The following SBSPON variants were observed in gnomAD, a reference collection of about 807,000 sequenced individuals.
SBSPON encodes the protein somatomedin B and thrombospondin type 1 domain containing.
Under a neutral mutation model 35.8 loss-of-function variants are expected in SBSPON, and 30 were observed. The ratio of observed to expected loss-of-function variants is 0.84; its 90% confidence interval spans 0.63 to 1.14. The LOEUF is 1.14. SBSPON is among the 50% of genes most tolerant of loss of function. SBSPON has a pLI of 0.00. For synonymous variants in SBSPON, 136 were observed against 135.9 expected, an observed-to-expected ratio of 1.00 and a Z score of 0.00; for missense variants, 364 against 357.7, an observed-to-expected ratio of 1.02 and a Z score of -0.14.
intron 1 of SBSPON, among the ~76,000 whole-genome samples, chr8:73,088,463 G>T (rs1242787174): frequency 6.6e-6 from 1 of 152,152 alleles, no homozygotes; most frequent in African/African-American, 2.4e-5. Flanking sequence ...CAGGCAGATT[G>T]CTTGAGCCTA....
chr8:73,072,008 G>T lies in SBSPON; in HGVS notation c.410-138C>A, dbSNP rs1380312280. On this transcript the variant is annotated intron_variant, in intron 2 of 4. Transcript: ENST00000297354. ...ACGGCACACCATCAAGGTGTGAAATGAGGCCAAGTTACAAATTCAATAAAG... is the reference window on the plus strand; with the variant it reads ...ACGGCACACCATCAAGGTGTGAAATTAGGCCAAGTTACAAATTCAATAAAG... 1.1e-5 allele frequency: 7 copies of T among 631,006 alleles called. No homozygotes were observed. In the East Asian group the frequency reaches 1.9e-4, roughly 17 times the overall value. 39.1% of individuals were successfully genotyped at this position (631,006 alleles called of 1,614,324 possible).
chr8:73,067,501 C>T, intron 4 of SBSPON, 43 bp from the exon 5 acceptor site: 2 of 1,190,052 alleles, frequency 1.7e-6, no homozygotes, highest in Non-Finnish European at 1.2e-6. Flanking sequence ...TAAAAGCATA[C>T]CGAAGAAAGG....
At chr8:73,076,134 G>A (rs1456911527) in intron 2 of SBSPON, among the ~76,000 whole-genome samples, 1 of 152,120 alleles carries the variant, frequency 6.6e-6, no homozygotes, top group African/African-American at 2.4e-5. Flanking sequence ...ATAAGACTTA[G>A]AGCCGGGAGA....
chr8:73,071,788 C>T lies in SBSPON; in HGVS notation c.492G>A (p.Glu164=). The change falls in exon 3 of 5, where the codon GAG becomes GAA. Residue 164 remains glutamate, a synonymous_variant. Coordinates refer to ENST00000297354, the MANE Select transcript of SBSPON (RefSeq NM_153225.4). ...AAAAAACACGAAATTACCCAGCATC[C>T]TCTGTGTGTGTAGACCAGTGTGGAG... ...ATSPHWSTHT[E]DAGYCMEFKT... 2 of 1,594,702 alleles carry T rather than the reference C, an allele frequency of 1.3e-6. No homozygotes were observed. Among genetic ancestry groups the T allele is most frequent in the South Asian group, 1.1e-5 (1 of 89,568 alleles).
At chr8:73,085,631 G>A (rs1390084092) in intron 1 of SBSPON, 2 of 150,376 alleles carry the variant, frequency 1.3e-5, no homozygotes, top group East Asian at 2.0e-4. Context: ...CGCAGCTCGA[G>A]GAGTTGTGCC....
chr8:73,084,641 G>A (rs1810784175), intron 1 of SBSPON, among the ~76,000 whole-genome samples: 1 of 151,932 alleles, frequency 6.6e-6, no homozygotes, highest in Non-Finnish European at 1.5e-5. Flanking sequence ...CCCTACACTG[G>A]GCATGGCTGG....
chr8:73,079,636 G>A lies in SBSPON; in HGVS notation c.409+1383C>T, dbSNP rs980175778. 1.1e-4 allele frequency among the ~76,000 whole-genome samples: 16 copies of A among 151,772 alleles called. No individual in the cohort carries two copies. The South Asian group carries it at 2.7e-3, about 26-fold the overall frequency. ...ATACCTCAGCTCCATCTCCAGGAAA[G>A]CCCCTCCTCCTCCTTCTCCCCCAAG... On this transcript the variant is annotated intron_variant, in intron 2 of 4. Coordinates refer to ENST00000297354, the MANE Select transcript of SBSPON (RefSeq NM_153225.4).
chr8:73,085,115 C>T (rs542459223), intron 1 of SBSPON, among the ~76,000 whole-genome samples: 49 of 152,224 alleles, frequency 3.2e-4, no homozygotes, highest in African/African-American at 1.0e-3. Context: ...TGGAAGGAGA[C>T]GAGTGAATCA....
chr8:73,075,754 G>A, intron 2 of SBSPON: 1 of 947,226 alleles, frequency 1.1e-6, no homozygotes, highest in Non-Finnish European at 1.3e-6. Flanking sequence ...CTATAGTACA[G>A]AAGAGAGTAA....
At chr8:73,088,688 GA>G (rs138206539) in intron 1 of SBSPON, among the ~76,000 whole-genome samples, 1 of 150,290 alleles carries the variant, frequency 6.7e-6, no homozygotes. Flanking sequence ...ATCTCAAAAA[GA>G]AAAAAAAAGA....
chr8:73,092,610 C>G (rs1810956890), intron 1 of SBSPON, among the ~76,000 whole-genome samples: 1 of 152,172 alleles, frequency 6.6e-6, no homozygotes, highest in Non-Finnish European at 1.5e-5. Flanking sequence ...CGGGATCCAG[C>G]CCTTCCATCC....
intron 2 of SBSPON, chr8:73,075,756 AG>A (rs1810582898): frequency 1.1e-6 from 1 of 948,478 alleles, no homozygotes; most frequent in Non-Finnish European, 1.3e-6. Flanking sequence ...ATAGTACAGA[AG>A]AGAGTAAAAT....
chr8:73,085,789 T>C (rs900761071), intron 1 of SBSPON: 2 of 152,250 alleles, frequency 1.3e-5, no homozygotes, highest in African/African-American at 4.8e-5. Flanking sequence ...CCATTCATTT[T>C]ATAAAGAGAG....
intron 2 of SBSPON, among the ~76,000 whole-genome samples, chr8:73,073,826 CA>C (rs1195734336): frequency 2.7e-5 from 4 of 149,288 alleles, no homozygotes; most frequent in East Asian, 1.9e-4. Flanking sequence ...AAAACAAAAA[CA>C]AAAAAAAACA....
chr8:73,071,944 T>C, intron 2 of SBSPON, 74 bp from the exon 3 acceptor site: 1 of 923,542 alleles, frequency 1.1e-6, no homozygotes, highest in South Asian at 1.4e-5. Flanking sequence ...TTTGGTTTTG[T>C]ACCTGTCTAA....
In SBSPON at chr8:73,067,442, A is replaced by G. The variant is rs1435402331; in HGVS notation, c.694T>C (p.Trp232Arg). ...CACCGAGGATTACCAATTGCTTGCC[A>G]ATGGAGAGTCTGATTTCTGAAACGA... Reference protein sequence around the residue: ...LDSDGNQTLHWQAIGNPRCQG... With the variant: ...LDSDGNQTLHRQAIGNPRCQG... Residue 232 changes from tryptophan to arginine, a missense_variant, in exon 5 of 5, where the codon TGG becomes CGG. Trp to Arg is a moderately radical substitution (Grantham distance 101). Transcript: ENST00000297354. 2.5e-6 allele frequency: 4 copies of G among 1,604,556 alleles called. No individual in the cohort carries two copies. Among genetic ancestry groups the G allele is most frequent in the South Asian group, 2.2e-5 (2 of 90,830 alleles).
At chr8:73,067,608 G>GTTT in intron 4 of SBSPON, 150 bp from the exon 5 acceptor site, 1 of 18,002 alleles carries the variant, frequency 5.6e-5, no homozygotes, top group East Asian at 7.3e-4. Context: ...TATATATATA[G>GTTT]TTTTTTTTTT....
chr8:73,077,457 G>A (rs1315942234), intron 2 of SBSPON, among the ~76,000 whole-genome samples: 1 of 152,208 alleles, frequency 6.6e-6, no homozygotes, highest in Non-Finnish European at 1.5e-5. Flanking sequence ...GAGCCTCCAG[G>A]TTGAGTGTGG....
At chr8:73,081,269 C>A in intron 1 of SBSPON, 56 bp from the exon 2 acceptor site, 1 of 1,415,984 alleles carries the variant, frequency 7.1e-7, no homozygotes, top group Non-Finnish European at 9.6e-7. Context: ...GGCTGGCAGG[C>A]TGTTCCCGCC....
Sources: allele counts gnomAD v4.1 joint callset (sites outside exome capture counted in the v4.1 genomes callset), GRCh38; gene constraint gnomAD v4.1.1; transcripts MANE v1.5; gene names NCBI Gene and HGNC (gene_info 2026-07-23, HGNC 2026-07-21).